Variants in PLEC observed in about 807,000 individuals in gnomAD.
PLEC encodes plectin.
A neutral mutation model predicts 392.8 loss-of-function variants in PLEC; 216 were observed. The ratio of observed to expected loss-of-function variants is 0.55; its 90% CI spans 0.49 to 0.62. The LOEUF (loss-of-function observed/expected upper bound fraction) is 0.62. Ranked by LOEUF, PLEC falls within the 20% of genes least tolerant of loss-of-function variation. The pLI is 0.00. For missense variants in PLEC, 6,863 were observed against 6,563.4 expected (o/e 1.05, Z -1.58); for synonymous variants, 3,621 against 2,980.6 (o/e 1.21, Z -7.00).
intron 30 of PLEC, among the ~76,000 whole-genome samples, 192 bp downstream of exon 30, chr8:143,926,592 G>T (rs969557894): frequency 2.6e-5 from 4 of 152,190 alleles, no homozygotes; most frequent in Non-Finnish European, 5.9e-5. Flanking sequence ...AGCCACACCA[G>T]GCCAGGGGGG....
In PLEC at chr8:143,930,543, G is replaced by A. The variant is rs1826923550; in HGVS notation, c.2305-7C>T. 3 of 1,582,150 alleles carry A rather than the reference G, an allele frequency of 1.9e-6. No homozygotes were observed. Among genetic ancestry groups the A allele is most frequent in the Non-Finnish European group, 2.6e-6 (3 of 1,164,554 alleles). On this transcript the variant is annotated splice_region_variant and splice_polypyrimidine_tract_variant and intron_variant, in intron 19 of 31. Transcript: ENST00000345136. ...TCAGCTGTTCCTTCTCGTCCTGTGGGGGAGGGGCAGCATCCAGACGAGGGC... is the reference window on the plus strand; with the variant it reads ...TCAGCTGTTCCTTCTCGTCCTGTGGAGGAGGGGCAGCATCCAGACGAGGGC...
intron 1 of PLEC, among the ~76,000 whole-genome samples, chr8:143,967,641 C>T (rs1554742724): frequency 6.6e-6 from 1 of 151,970 alleles, no homozygotes; most frequent in East Asian, 1.9e-4. Context: ...GGTGTAGTAG[C>T]CAGGCATGGC....
upstream of PLEC, chr8:143,975,182 A>G: frequency 6.3e-7 from 1 of 1,599,492 alleles, no homozygotes; most frequent in Non-Finnish European, 8.5e-7. The surrounding 1 kb of genome is among the most constrained non-coding windows in gnomAD (Gnocchi z 9.9). Flanking sequence ...GTTACCTGCG[A>G]TGCGAATGAC....
upstream of PLEC, among the ~76,000 whole-genome samples, chr8:143,940,205 CTGCCCACCTGGCACATCCTGGAGCAG>C (rs1197926109): frequency 1.3e-5 from 2 of 152,224 alleles, no homozygotes; most frequent in Non-Finnish European, 2.9e-5. Flanking sequence ...CCCTCCCAAG[CTGCCCACCTGGCACATCCTGGAGCAG>C]TGCCCACCTG....
At position 143,929,448 on chromosome 8, in the gene PLEC, G is replaced by T; in HGVS notation, c.3047C>A (p.Ala1016Glu). The T allele has an allele frequency of 6.3e-7, 1 of 1,586,908 alleles. No homozygotes were observed. The highest frequency in any genetic ancestry group is 8.6e-7 in the Non-Finnish European group (1 of 1,168,298). ...RLRLPLDKEP[A>E]RECAQRIAEQ... ...GGCGATGCGCTGGGCACACTCCCGTGCCGGCTCTTTGTCCAGCGGCAGCCG... is the reference window on the plus strand; with the variant it reads ...GGCGATGCGCTGGGCACACTCCCGTTCCGGCTCTTTGTCCAGCGGCAGCCG... The change falls in exon 24 of 32, where the codon GCA (alanine) becomes GAA (glutamate). Residue 1016 changes from alanine (A) to glutamate (E), a missense_variant. Coordinates refer to ENST00000345136, the MANE Select transcript of PLEC (RefSeq NM_201384.3).
At chr8:143,959,804 G>A (rs1280172051) in intron 1 of PLEC, among the ~76,000 whole-genome samples, 1 of 150,630 alleles carries the variant, frequency 6.6e-6, no homozygotes, top group Admixed American at 6.6e-5. Flanking sequence ...AGACCATCCT[G>A]GCTAACACAG....
Position 143,926,966 on chromosome 8 carries a change from C to A in PLEC, c.3945+11G>T. 1 of 1,610,648 alleles carries A rather than the reference C, an allele frequency of 6.2e-7. No individual in the cohort carries two copies. Among genetic ancestry groups the A allele is most frequent in the Non-Finnish European group, 8.5e-7 (1 of 1,177,668 alleles). On this transcript the variant is annotated intron_variant, in intron 29 of 31. Transcript: ENST00000345136. ...CAGCCCCTCACCCAGTTAGGTTCGG[C>A]CCCACCCTACCTCCTGGATGACACT...
At chr8:143,938,486 A>G in intron 2 of PLEC, 145 bp downstream of exon 2, 1 of 1,555,040 alleles carries the variant, frequency 6.4e-7, no homozygotes, top group Non-Finnish European at 8.7e-7. Context: ...CGTAGGGAAG[A>G]AAGAGGACAG....
At chr8:143,954,743 T>C (rs998391818), upstream of PLEC, among the ~76,000 whole-genome samples, 1 of 152,178 alleles carries the variant, frequency 6.6e-6, no homozygotes, top group African/African-American at 2.4e-5. This position sits in a 1 kb window ranked among gnomAD's most constrained non-coding sequence, Gnocchi z 4.6. Context: ...GGAGGAATGC[T>C]GGGCCCTGCC....
At chr8:143,974,053 GC>G (rs1219551761), upstream of PLEC, among the ~76,000 whole-genome samples, 3 of 152,220 alleles carry the variant, frequency 2.0e-5, no homozygotes, top group East Asian at 5.8e-4. The surrounding 1 kb of genome is among the most constrained non-coding windows in gnomAD (Gnocchi z 5.9). Flanking sequence ...GATTGGCAAA[GC>G]CCCCGCTCTC....
At chr8:143,936,431 G>C (rs1258718649) in intron 5 of PLEC, among the ~76,000 whole-genome samples, 3 of 152,242 alleles carry the variant, frequency 2.0e-5, no homozygotes, top group Non-Finnish European at 2.9e-5. Context: ...CCCAGGCCTG[G>C]AAAAGGCTGG....
chr8:143,923,099 G>A lies in PLEC; in HGVS notation c.6830C>T (p.Ala2277Val), dbSNP rs781888752. Residue 2277 changes from alanine (A) to valine (V), a missense_variant, in exon 31 of 32, where the codon GCG becomes GTG. By Grantham distance (64) the Ala-to-Val change is moderately conservative (BLOSUM62 0). Coordinates refer to ENST00000345136, the MANE Select transcript of PLEC (RefSeq NM_201384.3). The part of the protein sequence containing the change: ...QEEAEKMKQV[A>V]EEAARLSVAA... Reference sequence around the variant, plus strand: ...CACACTCAGCCGCGCGGCCTCCTCCGCCACCTGCTTCATCTTCTCAGCCTC... The same window carrying A: ...CACACTCAGCCGCGCGGCCTCCTCCACCACCTGCTTCATCTTCTCAGCCTC... 70 of 1,605,900 alleles carry A rather than the reference G, an allele frequency of 4.4e-5. No individual in the cohort carries two copies. The highest frequency in any genetic ancestry group is 1.1e-4 in the South Asian group (10 of 91,054).
intron 1 of PLEC, among the ~76,000 whole-genome samples, chr8:143,972,532 C>T (rs572432550): frequency 1.3e-5 from 2 of 152,238 alleles, no homozygotes; most frequent in African/African-American, 4.8e-5. Context: ...TCTCCCTGAG[C>T]TGCCCTTGGG....
chr8:143,963,014 C>A (rs1174756559), intron 1 of PLEC, among the ~76,000 whole-genome samples: 25 of 152,154 alleles, frequency 1.6e-4, no homozygotes, highest in Admixed American at 7.2e-4. Flanking sequence ...GTATGTGACT[C>A]ATGGGTCCAT....
chr8:143,940,364 G>C (rs1564182212), upstream of PLEC, among the ~76,000 whole-genome samples: 2 of 152,346 alleles, frequency 1.3e-5, no homozygotes, highest in Admixed American at 1.3e-4. Flanking sequence ...GGCCTCGCCA[G>C]TGAGTCAGGG....
rs377625103 is a variant in PLEC, at chr8:143,917,101, G to A, written c.12720C>T (p.Ala4240=). The change falls in exon 32 of 32, where the codon GCC becomes GCT. Residue 4240 remains alanine (A), a synonymous_variant. Transcript: ENST00000345136. ...TEFADMLSGN[A]GGFRSRSSSV... is the part of the protein sequence containing the mutation. The stretch of plus-strand genomic sequence containing the variant: ...AGGAGGAACGGGAGCGGAAACCACC[G>A]GCGTTGCCCGAGAGCATGTCGGCGA... The A allele has an allele frequency of 9.9e-5, 159 of 1,605,476 alleles. 1 individual carries two copies. Among genetic ancestry groups the A allele is most frequent in the Middle Eastern group, 3.3e-4 (2 of 6,064 alleles).
In PLEC at chr8:143,923,682, C is replaced by A. The variant is rs1554693692; in HGVS notation, c.6247G>T (p.Ala2083Ser). ...QSVLDQLRGE[A>S]EAARRAAEEA... ...TCAGCCGCCCGCCGGGCCGCCTCCG[C>A]CTCGCCGCGCAGCTGGTCCAGCACG... The change falls in exon 31 of 32, where the codon GCG becomes TCG. Residue 2083 changes from alanine to serine, a missense_variant. Physicochemically the swap from Ala to Ser is moderately conservative, Grantham distance 99. Coordinates refer to ENST00000345136, the MANE Select transcript of PLEC (RefSeq NM_201384.3). 6.5e-7 allele frequency: 1 copy of A among 1,548,462 alleles called. No homozygotes were observed. The highest frequency in any genetic ancestry group is 8.7e-7 in the Non-Finnish European group (1 of 1,153,288).
In PLEC at chr8:143,929,791, C is replaced by A. The variant is rs1554712027; in HGVS notation, c.2778G>T (p.Leu926=). 1 of 1,599,752 alleles carries A rather than the reference C, an allele frequency of 6.3e-7. No homozygotes were observed. Among genetic ancestry groups the A allele is most frequent in the South Asian group, 1.1e-5 (1 of 90,906 alleles). Residue 926 remains leucine (L), a synonymous_variant, in exon 23 of 32, where the codon CTG becomes CTT. Coordinates refer to ENST00000345136, the MANE Select transcript of PLEC (RefSeq NM_201384.3). The part of the protein sequence containing the change: ...TLKPEEQRQA[L]HSLELHYQAF... ...CCTGGTAGTGCAGCTCCAGGCTGTG[C>A]AGGGCTTGGCGCTGCTCCTCTGGCT...
chr8:143,926,213 C>A (rs1475843807), intron 30 of PLEC, among the ~76,000 whole-genome samples: 1 of 152,252 alleles, frequency 6.6e-6, no homozygotes, highest in Non-Finnish European at 1.5e-5. Flanking sequence ...GCACACAGCC[C>A]TGCCTGAGCT....
Sources: gnomAD v4.1 joint callset for allele counts (sites outside exome capture counted in the v4.1 genomes callset) on GRCh38, gnomAD v4.1.1 for gene constraint, Gnocchi (gnomAD v3.1) non-coding constraint, MANE v1.5 for transcripts, NCBI Gene and HGNC (gene_info 2026-07-23, HGNC 2026-07-21) for gene names.